The following CPAMD8 variants were observed in gnomAD, a reference collection of about 807,000 sequenced individuals.
The protein encoded by CPAMD8 is C3 and PZP like alpha-2-macroglobulin domain containing 8.
Under a neutral mutation model 224.7 loss-of-function variants are expected in CPAMD8, and 146 were observed. The observed-to-expected ratio is 0.65, with a 90% CI of 0.57 to 0.75. CPAMD8 has a LOEUF of 0.75. Ranked by LOEUF, CPAMD8 falls within the 30% of genes least tolerant of loss-of-function variation. CPAMD8 has a pLI of 0.00. For synonymous variants in CPAMD8, 966 were observed against 1,044.6 expected (o/e 0.92, Z 1.45); for missense variants, 2,301 against 2,537.5 (o/e 0.91, Z 2.00).
At chr19:16,987,602 C>T (rs952495349) in intron 13 of CPAMD8, among the ~76,000 whole-genome samples, 3 of 152,028 alleles carry the variant, frequency 2.0e-5, no homozygotes, top group African/African-American at 7.2e-5. Flanking sequence ...ATAGAAAGTA[C>T]AAAATCTGTG....
intron 11 of CPAMD8, among the ~76,000 whole-genome samples, chr19:16,996,849 A>AAGAAACAG (rs2056142452): frequency 6.6e-6 from 1 of 151,504 alleles, no homozygotes; most frequent in African/African-American, 2.4e-5. Flanking sequence ...GAACCCATTG[A>AAGAAACAG]AGAAACAGGA....
chr19:16,926,616 C>G (rs1281878273), intron 25 of CPAMD8, among the ~76,000 whole-genome samples: 1 of 152,132 alleles, frequency 6.6e-6, no homozygotes, highest in African/African-American at 2.4e-5. Flanking sequence ...ACGCCTGGCC[C>G]CTTCTTTCTT....
At chr19:16,917,646 C>T (rs751006514) in intron 27 of CPAMD8, among the ~76,000 whole-genome samples, 4 of 152,054 alleles carry the variant, frequency 2.6e-5, no homozygotes, top group Admixed American at 6.6e-5. Flanking sequence ...GGGGCTGAGG[C>T]GGAAAAATTG....
At chr19:16,942,214 C>A (rs2053920564) in intron 22 of CPAMD8, among the ~76,000 whole-genome samples, 1 of 152,124 alleles carries the variant, frequency 6.6e-6, no homozygotes, top group Non-Finnish European at 1.5e-5. Flanking sequence ...GTAATCCCAG[C>A]ACTTTGGGAG....
Position 16,976,100 on chromosome 19 carries a change from G to A in CPAMD8, c.1810C>T (p.Leu604=), listed in dbSNP as rs765755060. 6.2e-7 allele frequency: 1 copy of A among 1,612,866 alleles called. No homozygotes were observed. Among genetic ancestry groups the A allele is most frequent in the Non-Finnish European group, 8.5e-7 (1 of 1,179,206 alleles). ...NETQPGEVVD[L]RIRAARGSCV... is the part of the protein sequence containing the mutation. ...CTGCCCCTTGCAGCCCTGATCCGCAGGTCGACAACCTCCCCAGGTTGGGTC... is the reference window on the plus strand; with the variant it reads ...CTGCCCCTTGCAGCCCTGATCCGCAAGTCGACAACCTCCCCAGGTTGGGTC... Residue 604 remains leucine (L), a synonymous_variant, in exon 16 of 42, where the codon CTG becomes TTG. Coordinates refer to ENST00000443236, the MANE Select transcript of CPAMD8 (RefSeq NM_015692.5).
chr19:16,903,968 A>G lies in CPAMD8; in HGVS notation c.4252-111T>C. ...AAACAGGCACCAACGGGGCTGGAAT[A>G]GAGACTGGACCCAGTGCAGACACCC... On this transcript the variant is annotated intron_variant, in intron 32 of 41. Coordinates refer to ENST00000443236, the MANE Select transcript of CPAMD8 (RefSeq NM_015692.5). 5.2e-6 allele frequency: 6 copies of G among 1,145,816 alleles called. No homozygotes were observed. The South Asian group carries it at 8.6e-5, about 17-fold the overall frequency. 71.0% of individuals were successfully genotyped at this position (1,145,816 alleles called of 1,614,324 possible). A position where few individuals can be genotyped will look rare whatever the true frequency, so the allele number is the denominator to read the frequency against.
In CPAMD8 at chr19:16,947,064, G is replaced by A; in HGVS notation, c.2662+10C>T. The A allele has an allele frequency of 6.3e-7, 1 of 1,591,242 alleles. No individual in the cohort carries two copies. The highest frequency in any genetic ancestry group is 8.6e-7 in the Non-Finnish European group (1 of 1,167,162). On this transcript the variant is annotated intron_variant, in intron 21 of 41. Transcript: ENST00000443236. The stretch of plus-strand genomic sequence containing the variant: ...GAGGGGGGACACCCCAAGAACTGTG[G>A]GGTCCTCACCCGTGATGTTGTTGAG...
At chr19:16,993,108 G>A (rs188063207) in intron 12 of CPAMD8, among the ~76,000 whole-genome samples, 89 of 152,304 alleles carry the variant, frequency 5.8e-4, no homozygotes, top group Non-Finnish European at 1.0e-3. Context: ...CTCTGAACCT[G>A]CACCCAGGCT....
intron 41 of CPAMD8, 131 bp downstream of exon 41, chr19:16,896,045 T>G: frequency 1.0e-6 from 1 of 975,672 alleles, no homozygotes; most frequent in Non-Finnish European, 1.6e-6. Flanking sequence ...CCTGAGTCAC[T>G]CCCACTGCCA....
intron 5 of CPAMD8, chr19:17,009,583 G>A (rs2056592370): frequency 2.9e-6 from 1 of 343,262 alleles, no homozygotes; most frequent in Non-Finnish European, 5.4e-6. Flanking sequence ...GACCACCCTG[G>A]CTAACACCGT....
chr19:16,989,533 T>G (rs534563247), intron 13 of CPAMD8, 110 bp downstream of exon 13: 4 of 1,350,034 alleles, frequency 3.0e-6, no homozygotes, highest in Non-Finnish European at 4.1e-6. Flanking sequence ...GTGATCCGCC[T>G]GCCTCGGCCT....
chr19:16,987,700 G>T (rs185927667), intron 13 of CPAMD8, among the ~76,000 whole-genome samples: 44 of 152,208 alleles, frequency 2.9e-4, no homozygotes, highest in African/African-American at 1.1e-3. Context: ...ACCCAGGCTG[G>T]AGTACAGTGG....
chr19:16,933,822 T>C (rs2053612302), intron 23 of CPAMD8, among the ~76,000 whole-genome samples: 1 of 152,224 alleles, frequency 6.6e-6, no homozygotes, highest in South Asian at 2.1e-4. Context: ...TATGATTCTG[T>C]TCTTTCATTC....
At chr19:16,949,167 G>A (rs1260777963) in intron 20 of CPAMD8, among the ~76,000 whole-genome samples, 1 of 151,892 alleles carries the variant, frequency 6.6e-6, no homozygotes, top group Non-Finnish European at 1.5e-5. Context: ...CCCACTGGAG[G>A]GTCTGAATGG....
chr19:17,013,706 T>C (rs2056728140), intron 3 of CPAMD8, among the ~76,000 whole-genome samples: 1 of 151,286 alleles, frequency 6.6e-6, no homozygotes. Flanking sequence ...GGGATAAAAA[T>C]GTTCTGGAAC....
intron 20 of CPAMD8, among the ~76,000 whole-genome samples, chr19:16,950,297 CAAATAAATAAAT>C (rs369163512): frequency 2.6e-5 from 4 of 151,642 alleles, no homozygotes; most frequent in Admixed American, 6.6e-5. Flanking sequence ...GATCCTATCT[CAAATAAATAAAT>C]AAATAAATAA....
chr19:16,899,201 G>A lies in CPAMD8; in HGVS notation c.4848+274C>T, dbSNP rs374988056. Reference sequence around the variant, plus strand: ...CTCCCAAAGTGATGGGATTGCAGGCGTAAGCCAAAGGGCCTGGGCACTTTT... The same window carrying A: ...CTCCCAAAGTGATGGGATTGCAGGCATAAGCCAAAGGGCCTGGGCACTTTT... On this transcript the variant is annotated intron_variant, in intron 37 of 41. Coordinates refer to ENST00000443236, the MANE Select transcript of CPAMD8 (RefSeq NM_015692.5). The surrounding 1 kb of genome is among the most constrained non-coding windows in gnomAD (Gnocchi z 5.4). Among the ~76,000 whole-genome samples the A allele has an allele frequency of 4.3e-4, 65 of 152,230 alleles. 2 individuals are homozygous for A. In the South Asian group the frequency reaches 0.013, roughly 31 times the overall value.
chr19:16,996,877 C>T (rs2056143098), intron 11 of CPAMD8, among the ~76,000 whole-genome samples: 1 of 150,734 alleles, frequency 6.6e-6, no homozygotes, highest in South Asian at 2.1e-4. Flanking sequence ...AGAGCAGTTG[C>T]TTTAATAAAT....
chr19:16,944,352 C>T (rs192199076), intron 22 of CPAMD8, among the ~76,000 whole-genome samples: 100 of 152,298 alleles, frequency 6.6e-4, no homozygotes, highest in African/African-American at 2.2e-3. Context: ...TCCAGGAAGC[C>T]GGACAAGTGG....
Sources: gnomAD v4.1 joint callset for allele counts (sites outside exome capture counted in the v4.1 genomes callset) on GRCh38, gnomAD v4.1.1 for gene constraint, Gnocchi (gnomAD v3.1) non-coding constraint, MANE v1.5 for transcripts, NCBI Gene and HGNC (gene_info 2026-07-23, HGNC 2026-07-21) for gene names.